Variants in SULT2A1 observed in about 807,000 individuals in gnomAD.
SULT2A1 encodes sulfotransferase family 2A member 1.
Under a neutral mutation model 33.9 loss-of-function variants are expected in SULT2A1, and 43 were observed. The ratio of observed to expected loss-of-function variants is 1.27; its 90% CI spans 1.00 to 1.64. SULT2A1 has a LOEUF of 1.64. Among genes scored for constraint, SULT2A1 ranks in the 40% most tolerant of loss-of-function variants. The pLI is 0.00. For missense variants in SULT2A1, 300 were observed against 335.1 expected (o/e 0.90, Z 0.82); for synonymous variants, 125 against 113.6 (o/e 1.10, Z -0.64).
chr19:47,872,151 C>A (rs987643322), intron 5 of SULT2A1, among the ~76,000 whole-genome samples: 1 of 152,192 alleles, frequency 6.6e-6, no homozygotes, highest in African/African-American at 2.4e-5. Flanking sequence ...CTTCTGACCT[C>A]AGGTGATCCG....
At chr19:47,877,551 TC>T (rs1366078741) in intron 4 of SULT2A1, among the ~76,000 whole-genome samples, 1 of 147,526 alleles carries the variant, frequency 6.8e-6, no homozygotes. Flanking sequence ...TCTTTTTCTT[TC>T]TTTTTTTTTT....
chr19:47,886,258 G>C lies in SULT2A1; in HGVS notation c.-1C>G, dbSNP rs767946489. 5.0e-6 allele frequency: 8 copies of C among 1,613,822 alleles called. No homozygotes were observed. The highest frequency in any genetic ancestry group is 6.8e-6 in the Non-Finnish European group (8 of 1,179,926). On this transcript the variant is annotated 5_prime_UTR_variant, in exon 1 of 6. The change creates a new upstream start codon in the 5' untranslated region. Coordinates refer to ENST00000222002, the MANE Select transcript of SULT2A1 (RefSeq NM_003167.4). ...CAAACCATAAGAAATCGTCCGACAT[G>C]ATGATGACCTCTTCCTGCGTGGTGT...
At chr19:47,885,771 AT>A (rs1432736335) in intron 1 of SULT2A1, among the ~76,000 whole-genome samples, 1 of 151,822 alleles carries the variant, frequency 6.6e-6, no homozygotes, top group African/African-American at 2.4e-5. Flanking sequence ...CCCCCAAGTA[AT>A]TTCATACTCA....
chr19:47,878,072 A>C (rs1968564911), intron 4 of SULT2A1, among the ~76,000 whole-genome samples: 1 of 152,152 alleles, frequency 6.6e-6, no homozygotes, highest in African/African-American at 2.4e-5. Flanking sequence ...GCGCCCTCTC[A>C]ACGCTTGGTT....
At position 47,883,721 on chromosome 19, in the gene SULT2A1, T is replaced by C. The variant is rs1356516855; in HGVS notation, c.201A>G (p.Gln67=). Residue 67 remains glutamine, a synonymous_variant, in exon 2 of 6, where the codon CAA becomes CAG. Coordinates refer to ENST00000222002, the MANE Select transcript of SULT2A1 (RefSeq NM_003167.4). The part of the protein sequence containing the change: ...MHSKGDAKWI[Q]SVPIWERSPW... ...GTGATCGCTCCCAGATGGGCACAGA[T>C]TGGATCCACTTGGCATCCCCCTTGG... 6.2e-7 allele frequency: 1 copy of C among 1,613,980 alleles called. No individual in the cohort carries two copies. Among genetic ancestry groups the C allele is most frequent in the East Asian group, 2.2e-5 (1 of 44,892 alleles).
intron 2 of SULT2A1, among the ~76,000 whole-genome samples, chr19:47,882,973 A>G (rs1005158113): frequency 6.6e-6 from 1 of 152,040 alleles, no homozygotes; most frequent in Admixed American, 6.6e-5. Flanking sequence ...GGAAAGTACA[A>G]TTCTAGAAGC....
chr19:47,873,583 CT>C (rs965891269), intron 5 of SULT2A1, among the ~76,000 whole-genome samples: 3 of 147,256 alleles, frequency 2.0e-5, no homozygotes, highest in Non-Finnish European at 4.5e-5. Context: ...TGAGGCATTC[CT>C]TCACACATTT....
intron 4 of SULT2A1, among the ~76,000 whole-genome samples, chr19:47,875,844 G>C (rs760665230): frequency 2.6e-5 from 4 of 152,128 alleles, no homozygotes; most frequent in Non-Finnish European, 5.9e-5. Flanking sequence ...GAATCTGATG[G>C]AGATTGAAGG....
chr19:47,880,720 G>T (rs1040314205), intron 3 of SULT2A1, among the ~76,000 whole-genome samples: 1 of 151,976 alleles, frequency 6.6e-6, no homozygotes, highest in African/African-American at 2.4e-5. Context: ...CCAAGTAGCT[G>T]AGACTACGGG....
At chr19:47,883,392 T>C (rs949333390) in intron 2 of SULT2A1, among the ~76,000 whole-genome samples, 185 bp downstream of exon 2, 2 of 152,146 alleles carry the variant, frequency 1.3e-5, no homozygotes, top group African/African-American at 4.8e-5. Flanking sequence ...GAATGGTCTA[T>C]ATCCTTGAAC....
intron 3 of SULT2A1, among the ~76,000 whole-genome samples, chr19:47,880,816 G>C (rs1968596653): frequency 6.6e-6 from 1 of 151,982 alleles, no homozygotes; most frequent in Admixed American, 6.6e-5. Context: ...TTGAACTCCT[G>C]ACCTCAGGTG....
intron 3 of SULT2A1, 103 bp from the exon 4 acceptor site, chr19:47,879,233 C>A: frequency 1.4e-6 from 1 of 722,886 alleles, no homozygotes. Context: ...GTATGATTGA[C>A]AAATAAAACT....
rs1185429352 is a variant in SULT2A1 at position 47,879,018 on chromosome 19, TA to T, written c.567+17del. The T allele has an allele frequency of 1.3e-6, 2 of 1,548,044 alleles. No individual in the cohort carries two copies. The highest frequency in any genetic ancestry group is 1.8e-6 in the Non-Finnish European group (2 of 1,119,932). ...GTGGTGAGAGGGTGTGCACTGACTC[TA>T]AAAATGATGGGATTACCTGTTTCAG... is the stretch of plus-strand genomic sequence containing the variant. On this transcript the variant is annotated intron_variant, in intron 4 of 5. Coordinates refer to ENST00000222002, the MANE Select transcript of SULT2A1 (RefSeq NM_003167.4).
chr19:47,874,637 A>G lies in SULT2A1; in HGVS notation c.745+20T>C, dbSNP rs767511533. 5.6e-6 allele frequency: 9 copies of G among 1,607,540 alleles called. No individual in the cohort carries two copies. In the Admixed American group the frequency reaches 1.0e-4, roughly 18 times the overall value. On this transcript the variant is annotated intron_variant, in intron 5 of 5. Coordinates refer to ENST00000222002, the MANE Select transcript of SULT2A1 (RefSeq NM_003167.4). ...GCCGTGTATTCTGGTATATTTGGAA[A>G]CCAGAGGATTTTCTTTTACCTTTTC...
intron 4 of SULT2A1, among the ~76,000 whole-genome samples, chr19:47,876,954 G>C (rs922155161): frequency 6.7e-6 from 1 of 149,752 alleles, no homozygotes; most frequent in East Asian, 2.0e-4. Context: ...GCGTGCATCT[G>C]TAGTCCCAGC....
rs1968490166 is a variant in SULT2A1, at chr19:47,871,320, C to T, written c.*135G>A. On this transcript the variant is annotated 3_prime_UTR_variant, in exon 6 of 6. Transcript: ENST00000222002. ...TGGTAACTTTTAACAAGGAAGGGAT[C>T]AGAGATGCAGAGGTTTGATATTTAA... 2.1e-5 allele frequency: 15 copies of T among 698,204 alleles called. No individual in the cohort carries two copies. Among genetic ancestry groups the T allele is most frequent in the Non-Finnish European group, 3.6e-5 (15 of 415,464 alleles). 43.3% of individuals were successfully genotyped at this position (698,204 alleles called of 1,614,324 possible). A position where few individuals can be genotyped will look rare whatever the true frequency, so the allele number is the denominator to read the frequency against.
In SULT2A1 at chr19:47,874,778, G is replaced by A. The variant is rs202002259; in HGVS notation, c.624C>T (p.Pro208=). 31 of 1,613,916 alleles carry A rather than the reference G, an allele frequency of 1.9e-5. No homozygotes were observed. The highest frequency in any genetic ancestry group is 3.3e-4 in the Middle Eastern group (2 of 6,084). The change falls in exon 5 of 6, where the codon CCC becomes CCT. Residue 208 remains proline (P), a synonymous_variant. Coordinates refer to ENST00000222002, the MANE Select transcript of SULT2A1 (RefSeq NM_003167.4). ...ICQFLGKTLE[P]EELNLILKNS... ...TCTTGAGAATTAAGTTCAGTTCTTC[G>A]GGTTCTAACGTCTTTCCCAGGAATT...
rs2122136679 is a variant in SULT2A1 at position 47,870,775 on chromosome 19, C to G, written c.*680G>C. ...AAACATTGCAAACATTTAAAAAAGT[C>G]TGGGATCCCATGACTCAACTCACTG... On this transcript the variant is annotated 3_prime_UTR_variant, in exon 6 of 6. Coordinates refer to ENST00000222002, the MANE Select transcript of SULT2A1 (RefSeq NM_003167.4). The G allele has an allele frequency of 6.8e-6, 1 of 147,614 alleles. No individual in the cohort carries two copies. The highest frequency in any genetic ancestry group is 2.2e-4 in the South Asian group (1 of 4,458). The allele number at this position is 147,614 out of a possible 1,614,324, so 9.1% of individuals were successfully genotyped here.
chr19:47,884,716 G>GA (rs1968638402), intron 1 of SULT2A1, among the ~76,000 whole-genome samples: 1 of 149,312 alleles, frequency 6.7e-6, no homozygotes, highest in African/African-American at 2.5e-5. Context: ...GGCTGGTCTT[G>GA]AACGCTTGAC....
Sources: gnomAD v4.1 joint callset for allele counts (sites outside exome capture counted in the v4.1 genomes callset) on GRCh38, gnomAD v4.1.1 for gene constraint, MANE v1.5 for transcripts, NCBI Gene and HGNC (gene_info 2026-07-23, HGNC 2026-07-21) for gene names.